COL21A1: variants seen among roughly 807,000 people sequenced by gnomAD.
COL21A1 encodes the protein collagen type XXI alpha 1 chain.
Under a neutral mutation model 137.9 loss-of-function variants are expected in COL21A1, and 149 were observed. That is an observed-to-expected ratio of 1.08 (90% CI 0.95 to 1.24). The LOEUF (loss-of-function observed/expected upper bound fraction) is 1.24. Ranked by LOEUF, COL21A1 falls within the 50% of genes most tolerant of loss-of-function variation. The pLI is 0.00. For synonymous variants in COL21A1, 456 were observed against 391.5 expected (o/e 1.16, Z -1.95); for missense variants, 1,167 against 1,158.4 (o/e 1.01, Z -0.11).
intron 10 of COL21A1, among the ~76,000 whole-genome samples, chr6:56,151,157 C>T (rs1057032312): frequency 1.1e-4 from 17 of 152,158 alleles, no homozygotes; most frequent in Middle Eastern, 3.4e-3. Flanking sequence ...ACCCAGGAGG[C>T]GGAGCTTGCA....
In COL21A1 at chr6:56,377,341, C is replaced by T. The variant is rs188979061; in HGVS notation, c.-39+16630G>A. On this transcript the variant is annotated intron_variant, in intron 1 of 28. Coordinates refer to the COL21A1 transcript ENST00000370819. ...TCATCCCTCCCCAATCCCCGATTCCCCACTCCCCTCTCCCCCATTTTCCCC... is the reference window on the plus strand; with the variant it reads ...TCATCCCTCCCCAATCCCCGATTCCTCACTCCCCTCTCCCCCATTTTCCCC... 3.4e-3 allele frequency among the ~76,000 whole-genome samples: 511 copies of T among 152,136 alleles called. 2 individuals are homozygous for T. The highest frequency in any genetic ancestry group is 0.012 in the African/African-American group (489 of 41,502).
At chr6:56,198,326 T>C (rs1025832156) in intron 1 of COL21A1, among the ~76,000 whole-genome samples, 2 of 152,120 alleles carry the variant, frequency 1.3e-5, no homozygotes, top group African/African-American at 2.4e-5. Flanking sequence ...TAATTTATTT[T>C]ATACTTGAAA....
intron 5 of COL21A1, among the ~76,000 whole-genome samples, chr6:56,170,243 A>C (rs1776926605): frequency 6.6e-6 from 1 of 151,960 alleles, no homozygotes; most frequent in African/African-American, 2.4e-5. Flanking sequence ...AGTGTAAAAC[A>C]GACCAATATG....
intron 1 of COL21A1, among the ~76,000 whole-genome samples, chr6:56,230,614 CTTA>C (rs1781502518): frequency 6.6e-6 from 1 of 151,350 alleles, no homozygotes. Flanking sequence ...TTTTATCAGC[CTTA>C]TTATTTTTTG....
intron 1 of COL21A1, among the ~76,000 whole-genome samples, chr6:56,206,049 T>C (rs1026906401): frequency 1.3e-5 from 2 of 152,140 alleles, no homozygotes; most frequent in African/African-American, 4.8e-5. Flanking sequence ...GTAAAGACCA[T>C]TGACACTATG....
chr6:56,057,436 T>A lies in COL21A1; in HGVS notation c.*221A>T. ...ATAAATGGACTTTACAAGAAACCCT[T>A]GAGATTTAATTAATGCTGCTAATCC... On this transcript the variant is annotated 3_prime_UTR_variant, in exon 30 of 30. Coordinates refer to ENST00000244728, the MANE Select transcript of COL21A1 (RefSeq NM_030820.4). 1 of 525,136 alleles carries A rather than the reference T, an allele frequency of 1.9e-6. No individual in the cohort carries two copies. The highest frequency in any genetic ancestry group is 3.3e-6 in the Non-Finnish European group (1 of 302,518). 32.5% of individuals were successfully genotyped at this position (525,136 alleles called of 1,614,324 possible).
At chr6:56,189,017 G>A (rs1279918554) in intron 1 of COL21A1, among the ~76,000 whole-genome samples, 1 of 152,114 alleles carries the variant, frequency 6.6e-6, no homozygotes, top group Non-Finnish European at 1.5e-5. Context: ...GGAGAAACCA[G>A]TGCAAAAATG....
intron 1 of COL21A1, among the ~76,000 whole-genome samples, chr6:56,358,028 A>C (rs1020249911): frequency 6.6e-5 from 10 of 152,214 alleles, no homozygotes; most frequent in African/African-American, 2.2e-4. Context: ...TAAAAGAATC[A>C]ATGTCTAGCT....
At chr6:56,268,201 A>C (rs1217514893) in intron 1 of COL21A1, among the ~76,000 whole-genome samples, 1 of 152,366 alleles carries the variant, frequency 6.6e-6, no homozygotes, top group South Asian at 2.1e-4. Flanking sequence ...GGGCCGACAC[A>C]GGAGCAGGGC....
intron 1 of COL21A1, among the ~76,000 whole-genome samples, chr6:56,256,249 G>A (rs1266038821): frequency 6.6e-6 from 1 of 152,056 alleles, no homozygotes; most frequent in Non-Finnish European, 1.5e-5. Flanking sequence ...TTACAAATCT[G>A]GAAAACTTAA....
At chr6:56,064,508 T>C in intron 24 of COL21A1, 70 bp downstream of exon 24, 2 of 1,044,484 alleles carry the variant, frequency 1.9e-6, no homozygotes, top group Non-Finnish European at 2.9e-6. Flanking sequence ...TTGCAAGTAA[T>C]CCTCTCTCAG....
At chr6:56,070,665 A>C in intron 21 of COL21A1, 80 bp downstream of exon 21, 2 of 966,902 alleles carry the variant, frequency 2.1e-6, no homozygotes, top group South Asian at 3.3e-5. Flanking sequence ...TCAGAGATAT[A>C]AAATGTTAAT....
At chr6:56,386,228 C>T (rs570689409) in intron 1 of COL21A1, among the ~76,000 whole-genome samples, 17 of 152,356 alleles carry the variant, frequency 1.1e-4, no homozygotes, top group African/African-American at 3.4e-4. Flanking sequence ...GGATTACAGG[C>T]ATGAGCCACT....
chr6:56,290,644 C>A (rs887974877), intron 1 of COL21A1, among the ~76,000 whole-genome samples: 5 of 152,016 alleles, frequency 3.3e-5, no homozygotes, highest in African/African-American at 9.7e-5. Flanking sequence ...GGACTACAAG[C>A]ACATGCCACC....
intron 1 of COL21A1, among the ~76,000 whole-genome samples, chr6:56,235,232 A>G (rs928059869): frequency 6.6e-6 from 1 of 151,966 alleles, no homozygotes; most frequent in African/African-American, 2.4e-5. Context: ...TATGAATAGC[A>G]ATGCATATAT....
Position 56,097,982 on chromosome 6 carries a change from T to A in COL21A1, c.1812+3490A>T, listed in dbSNP as rs1417177560. On this transcript the variant is annotated intron_variant, in intron 17 of 29. Coordinates refer to ENST00000244728, the MANE Select transcript of COL21A1 (RefSeq NM_030820.4). Reference sequence around the variant, plus strand: ...ATATATATAAATATATAAATATATATAAATATATATGTAAATATATAAATA... The same window carrying A: ...ATATATATAAATATATAAATATATAAAAATATATATGTAAATATATAAATA... Among the ~76,000 whole-genome samples the A allele has an allele frequency of 1.8e-3, 117 of 65,052 alleles. 6 individuals carry two copies. Among genetic ancestry groups the A allele is most frequent in the Middle Eastern group, 0.018 (1 of 56 alleles). The allele number at this position is 65,052 out of a possible 152,430, so 42.7% of individuals were successfully genotyped here.
At chr6:56,208,631 C>A (rs1053746784) in intron 1 of COL21A1, among the ~76,000 whole-genome samples, 2 of 152,042 alleles carry the variant, frequency 1.3e-5, no homozygotes, top group Non-Finnish European at 1.5e-5. Context: ...GCTATCCCCA[C>A]CAAGCTACCA....
chr6:56,318,817 G>A (rs1031923370), intron 1 of COL21A1, among the ~76,000 whole-genome samples: 1 of 151,908 alleles, frequency 6.6e-6, no homozygotes, highest in Admixed American at 6.6e-5. Flanking sequence ...CTAGTATTGA[G>A]CTCACTAGCT....
At chr6:56,109,458 T>A (rs1276789916) in intron 16 of COL21A1, among the ~76,000 whole-genome samples, 1 of 151,688 alleles carries the variant, frequency 6.6e-6, no homozygotes, top group Non-Finnish European at 1.5e-5. Flanking sequence ...ATAGATGAAA[T>A]AATAGTTCCC....
Sources: allele counts gnomAD v4.1 joint callset (sites outside exome capture counted in the v4.1 genomes callset), GRCh38; gene constraint gnomAD v4.1.1; transcripts MANE v1.5; gene names NCBI Gene and HGNC (gene_info 2026-07-23, HGNC 2026-07-21).